Variants in CARM1 observed in about 807,000 individuals in gnomAD.
CARM1 encodes coactivator associated arginine methyltransferase 1, also known as histone-arginine methyltransferase CARM1.
A neutral mutation model predicts 72.7 loss-of-function variants in CARM1; 14 were observed. The ratio of observed to expected loss-of-function variants is 0.19; its 90% CI spans 0.13 to 0.30. CARM1 has a LOEUF of 0.30. CARM1 is among the 10% of genes least tolerant of loss of function. CARM1 has a pLI of 1.00. For missense variants in CARM1, 432 were observed against 833.7 expected, an observed-to-expected ratio of 0.52 and a Z score of 5.93; for synonymous variants, 333 against 345.5, an observed-to-expected ratio of 0.96 and a Z score of 0.40.
chr19:10,910,556 T>A (rs1323154128), intron 4 of CARM1, among the ~76,000 whole-genome samples: 3 of 151,946 alleles, frequency 2.0e-5, no homozygotes, highest in Non-Finnish European at 4.4e-5. Context: ...CTACCTTTTT[T>A]ATTTTTTTAT....
chr19:10,908,849 G>A, intron 3 of CARM1: 1 of 379,310 alleles, frequency 2.6e-6, no homozygotes. Flanking sequence ...AGTTCTCCTG[G>A]GCGGCTTCCA....
At chr19:10,877,410 C>T (rs1450634341) in intron 1 of CARM1, among the ~76,000 whole-genome samples, 1 of 152,024 alleles carries the variant, frequency 6.6e-6, no homozygotes, top group African/African-American at 2.4e-5. Context: ...AGCCTGTGGC[C>T]TATTTTTATC....
intron 1 of CARM1, among the ~76,000 whole-genome samples, chr19:10,882,075 C>T (rs1036918895): frequency 3.3e-5 from 5 of 152,200 alleles, no homozygotes; most frequent in Non-Finnish European, 7.3e-5. Flanking sequence ...CTGATCCACT[C>T]CTTAGCATCC....
At chr19:10,904,688 C>A (rs907391860) in intron 1 of CARM1, among the ~76,000 whole-genome samples, 1 of 152,252 alleles carries the variant, frequency 6.6e-6, no homozygotes, top group African/African-American at 2.4e-5. Context: ...TGTCTGCCCA[C>A]CTCAGCCTTC....
chr19:10,912,235 C>T lies in CARM1; in HGVS notation c.610C>T (p.Gln204Ter). ...TGGGATCCTGTCGTTTTTTGCCGCC[C>T]AAGCTGGAGCACGGAAAATCTACGC... ...GSGILSFFAA[Q>*]AGARKIYAVE... The change falls in exon 5 of 16, where the codon CAA (glutamine) becomes TAA (stop). Residue 204 changes from glutamine (Q) to a stop codon, truncating the protein, a stop_gained. Transcript: ENST00000327064. LOFTEE classifies it high-confidence loss of function. The surrounding 1 kb of genome is among the most constrained non-coding windows in gnomAD (Gnocchi z 4.5). The T allele has an allele frequency of 6.2e-7, 1 of 1,614,094 alleles. No individual in the cohort carries two copies. The highest frequency in any genetic ancestry group is 8.5e-7 in the Non-Finnish European group (1 of 1,179,976).
Position 10,921,961 on chromosome 19 carries a change from G to C in CARM1, c.*204G>C. The C allele has an allele frequency of 1.9e-6, 1 of 526,950 alleles. No homozygotes were observed. Among genetic ancestry groups the C allele is most frequent in the Non-Finnish European group, 3.3e-6 (1 of 300,238 alleles). The allele number at this position is 526,950 out of a possible 1,614,324, so 32.6% of individuals were successfully genotyped here. A position where few individuals can be genotyped will look rare whatever the true frequency, so the allele number is the denominator to read the frequency against. Reference sequence around the variant, plus strand: ...CACCTCCCGGCCCTGAGCGTGTGTCGCTGCCATATTTTACACAAAATCATG... The same window carrying C: ...CACCTCCCGGCCCTGAGCGTGTGTCCCTGCCATATTTTACACAAAATCATG... On this transcript the variant is annotated 3_prime_UTR_variant, in exon 16 of 16. Transcript: ENST00000327064.
chr19:10,871,939 G>C lies in CARM1; in HGVS notation c.220+17G>C. 2 of 1,181,704 alleles carry C rather than the reference G, an allele frequency of 1.7e-6. No homozygotes were observed. The highest frequency in any genetic ancestry group is 2.1e-6 in the Non-Finnish European group (2 of 955,156). 73.2% of individuals were successfully genotyped at this position (1,181,704 alleles called of 1,614,324 possible). On this transcript the variant is annotated intron_variant, in intron 1 of 15. Coordinates refer to ENST00000327064, the MANE Select transcript of CARM1 (RefSeq NM_199141.2). This position sits in a 1 kb window ranked among gnomAD's most constrained non-coding sequence, Gnocchi z 5.6. ...TCTACAGCCGTGAGTACGGGGCCCC[G>C]GGGCAGGCGCAGGGCCGGGGCTGCT...
rs535122283 is a variant in CARM1 at position 10,921,685 on chromosome 19, C to G, written c.1755C>G (p.Thr585=). 6.2e-7 allele frequency: 1 copy of G among 1,613,620 alleles called. No individual in the cohort carries two copies. Among genetic ancestry groups the G allele is most frequent in the Non-Finnish European group, 8.5e-7 (1 of 1,179,880 alleles). The change falls in exon 16 of 16, where the codon ACC becomes ACG. Residue 585 remains threonine (T), a synonymous_variant. Transcript: ENST00000327064. ...ACTATGCAGTCAACAGCCAGTTCACCATGGGCGGCCCCGCCATCTCCATGG... is the reference window on the plus strand; with the variant it reads ...ACTATGCAGTCAACAGCCAGTTCACGATGGGCGGCCCCGCCATCTCCATGG... ...SAHYAVNSQF[T]MGGPAISMAS...
At chr19:10,889,517 CG>C (rs2073966022) in intron 1 of CARM1, among the ~76,000 whole-genome samples, 1 of 142,272 alleles carries the variant, frequency 7.0e-6, no homozygotes, top group Non-Finnish European at 1.5e-5. Flanking sequence ...TTAGTAGAGA[CG>C]GGGTTTCTCC....
intron 8 of CARM1, among the ~76,000 whole-genome samples, chr19:10,918,454 C>A (rs1332010808): frequency 6.6e-6 from 1 of 152,132 alleles, no homozygotes; most frequent in African/African-American, 2.4e-5. Flanking sequence ...AACTCCTGAC[C>A]TCAGGTGATC....
intron 2 of CARM1, among the ~76,000 whole-genome samples, chr19:10,905,942 CTTTTT>C (rs35328638): frequency 7.7e-5 from 8 of 103,440 alleles, no homozygotes; most frequent in Admixed American, 3.1e-4. Flanking sequence ...TGCCCGGCCC[CTTTTT>C]TTTTTTTTTT....
At chr19:10,890,774 C>T (rs1338243010) in intron 1 of CARM1, among the ~76,000 whole-genome samples, 3 of 63,616 alleles carry the variant, frequency 4.7e-5, no homozygotes, top group Non-Finnish European at 8.3e-5. Flanking sequence ...TACACACACA[C>T]ATATATATAT....
intron 8 of CARM1, chr19:10,918,959 G>C (rs374338731): frequency 6.6e-6 from 1 of 152,178 alleles, no homozygotes; most frequent in African/African-American, 2.4e-5. Flanking sequence ...TGTGTTAGTC[G>C]GATATAAACA....
chr19:10,917,991 C>T (rs2074212044), intron 8 of CARM1, among the ~76,000 whole-genome samples: 1 of 152,132 alleles, frequency 6.6e-6, no homozygotes, highest in Non-Finnish European at 1.5e-5. Flanking sequence ...GGATTACAGG[C>T]GTGAGCCACC....
intron 1 of CARM1, among the ~76,000 whole-genome samples, chr19:10,884,825 C>T (rs1458152354): frequency 6.6e-6 from 1 of 152,202 alleles, no homozygotes; most frequent in East Asian, 1.9e-4. Flanking sequence ...CTCCCTCAGC[C>T]TCCCGAGTAG....
At chr19:10,918,562 CCT>C (rs1419355001) in intron 8 of CARM1, among the ~76,000 whole-genome samples, 1 of 152,094 alleles carries the variant, frequency 6.6e-6, no homozygotes, top group African/African-American at 2.4e-5. Context: ...GGTGTCTTAG[CCT>C]CTGATGCCCT....
In CARM1 at chr19:10,916,952, C is replaced by A. The variant is rs2074202163; in HGVS notation, c.1020+175C>A. On this transcript the variant is annotated intron_variant, in intron 8 of 15. Transcript: ENST00000327064. This position sits in a 1 kb window ranked among gnomAD's most constrained non-coding sequence, Gnocchi z 4.4. ...ATGTAGACACTTAGCACACAGCACACATGCAATACATGTGGAACATTATTA... is the reference window on the plus strand; with the variant it reads ...ATGTAGACACTTAGCACACAGCACAAATGCAATACATGTGGAACATTATTA... Among the ~76,000 whole-genome samples the A allele has an allele frequency of 1.3e-5, 2 of 152,116 alleles. No individual in the cohort carries two copies. The highest frequency in any genetic ancestry group is 2.9e-5 in the Non-Finnish European group (2 of 68,042).
rs2074243203 is a variant in CARM1 at position 10,921,183 on chromosome 19, G to A, written c.1615+56G>A. ...GGAGCCATGCCCAGGACTGCCCAGG[G>A]GCCGGGAAGGGCCTGTGGTGACCAG... is the stretch of plus-strand genomic sequence containing the variant. On this transcript the variant is annotated intron_variant, in intron 14 of 15. Transcript: ENST00000327064. The A allele has an allele frequency of 3.2e-6, 5 of 1,550,374 alleles. No homozygotes were observed. The African/African-American group carries it at 6.8e-5, about 21-fold the overall frequency.
chr19:10,913,842 C>T (rs770910788), intron 5 of CARM1, 35 bp from the exon 6 acceptor site: 25 of 1,593,406 alleles, frequency 1.6e-5, no homozygotes, highest in Admixed American at 3.5e-5. Flanking sequence ...GGCAGGAAGA[C>T]GCAGGGAAGC....
Sources: allele counts gnomAD v4.1 joint callset (sites outside exome capture counted in the v4.1 genomes callset), GRCh38; gene constraint gnomAD v4.1.1; non-coding constraint Gnocchi (gnomAD v3.1); transcripts MANE v1.5; gene names NCBI Gene and HGNC (gene_info 2026-07-23, HGNC 2026-07-21).